Variants in RALGPS2 observed in about 807,000 individuals in gnomAD.
RALGPS2 encodes Ral GEF with PH domain and SH3 binding motif 2.
RALGPS2 carries 43 observed loss-of-function variants against 86.8 expected under a neutral mutation model. The observed-to-expected ratio is 0.50, with a 90% CI of 0.39 to 0.64. RALGPS2 has a LOEUF of 0.64. Ranked by LOEUF, RALGPS2 falls within the 30% of genes least tolerant of loss-of-function variation. The pLI is 0.00. For missense variants in RALGPS2, 536 were observed against 694.6 expected (o/e 0.77, Z 2.57); for synonymous variants, 243 against 231.3 (o/e 1.05, Z -0.46).
intron 1 of RALGPS2, among the ~76,000 whole-genome samples, chr1:178,750,074 G>C (rs1006431766): frequency 1.3e-5 from 2 of 152,152 alleles, no homozygotes; most frequent in Non-Finnish European, 2.9e-5. Flanking sequence ...TCACGCCACT[G>C]TTCGCCAGCC....
chr1:178,739,466 G>A (rs932322501), intron 1 of RALGPS2, among the ~76,000 whole-genome samples: 3 of 152,216 alleles, frequency 2.0e-5, no homozygotes, highest in African/African-American at 7.2e-5. Context: ...CTTAAGGAAT[G>A]TGTTTCATTT....
chr1:178,859,466 C>T (rs1196293347), intron 8 of RALGPS2, among the ~76,000 whole-genome samples: 3 of 142,816 alleles, frequency 2.1e-5, no homozygotes, highest in Admixed American at 7.1e-5. Context: ...TGCAGTGTCA[C>T]GATCTCGGCT....
intron 4 of RALGPS2, among the ~76,000 whole-genome samples, chr1:178,792,086 C>T (rs1030294617): frequency 6.6e-6 from 1 of 152,250 alleles, no homozygotes; most frequent in South Asian, 2.1e-4. Flanking sequence ...CTGTAACACA[C>T]TTGAAATTAC....
At chr1:178,762,454 G>A (rs1213702557) in intron 1 of RALGPS2, among the ~76,000 whole-genome samples, 6 of 152,268 alleles carry the variant, frequency 3.9e-5, no homozygotes, top group East Asian at 1.9e-4. Flanking sequence ...GTGGCTGAAC[G>A]AATTTACATT....
At chr1:178,758,734 G>A (rs12141875) in intron 1 of RALGPS2, among the ~76,000 whole-genome samples, 70,747 of 151,948 alleles carry the variant, frequency 0.47, 17,735 homozygotes, top group African/African-American at 0.65. Context: ...CAGGATCTCA[G>A]TCTTTTTATG....
intron 8 of RALGPS2, among the ~76,000 whole-genome samples, chr1:178,876,313 A>AT (rs898907993): frequency 2.6e-5 from 4 of 151,748 alleles, no homozygotes; most frequent in South Asian, 2.1e-4. Flanking sequence ...AATATAAGTA[A>AT]TTTTTTTTTA....
intron 1 of RALGPS2, among the ~76,000 whole-genome samples, chr1:178,758,598 C>T (rs754212265): frequency 6.6e-6 from 1 of 152,092 alleles, no homozygotes; most frequent in Non-Finnish European, 1.5e-5. Context: ...CTCTCTGTCT[C>T]CATGAGTTCA....
intron 1 of RALGPS2, among the ~76,000 whole-genome samples, chr1:178,738,623 T>C (rs1332157068): frequency 6.6e-6 from 1 of 152,262 alleles, no homozygotes; most frequent in Non-Finnish European, 1.5e-5. Context: ...GGATCAGCCA[T>C]ATAATTTACT....
chr1:178,746,045 C>T lies in RALGPS2; in HGVS notation c.-84+20626C>T, dbSNP rs59212999. Among the ~76,000 whole-genome samples the T allele has an allele frequency of 2.4e-3, 368 of 152,056 alleles. 1 individual carries two copies. The highest frequency in any genetic ancestry group is 8.7e-3 in the African/African-American group (362 of 41,490). Reference sequence around the variant, plus strand: ...CTATGTTGGCCAGGCTGGTCTCGACCTCCTGACCTCAGGTGATCCACCCAC... The same window carrying T: ...CTATGTTGGCCAGGCTGGTCTCGACTTCCTGACCTCAGGTGATCCACCCAC... On this transcript the variant is annotated intron_variant, in intron 1 of 19. Transcript: ENST00000367635.
chr1:178,828,472 C>T (rs546210783), intron 7 of RALGPS2, among the ~76,000 whole-genome samples: 2 of 152,126 alleles, frequency 1.3e-5, no homozygotes, highest in Admixed American at 6.5e-5. Flanking sequence ...GTAAAAAATA[C>T]AGTATTATAA....
At chr1:178,737,367 T>C (rs1467495407) in intron 1 of RALGPS2, among the ~76,000 whole-genome samples, 1 of 152,212 alleles carries the variant, frequency 6.6e-6, no homozygotes, top group Non-Finnish European at 1.5e-5. Context: ...TGCCTCAGCC[T>C]CGCGAGTAGC....
In RALGPS2 at chr1:178,799,232, G is replaced by A. The variant is rs188076577; in HGVS notation, c.214-8813G>A. On this transcript the variant is annotated intron_variant, in intron 4 of 19. Transcript: ENST00000367635. ...TTTTTTGTATTTTTAGTAGAGATGG[G>A]GTTTCACCGTGTTGGCCAGGCTGGT... Among the ~76,000 whole-genome samples, 1,023 of 152,132 alleles carry A rather than the reference G, an allele frequency of 6.7e-3. 4 individuals carry two copies. Among genetic ancestry groups the A allele is most frequent in the Middle Eastern group, 0.017 (5 of 294 alleles).
intron 1 of RALGPS2, among the ~76,000 whole-genome samples, chr1:178,769,231 T>A (rs1652662776): frequency 6.6e-6 from 1 of 150,478 alleles, no homozygotes; most frequent in Middle Eastern, 3.3e-3. Context: ...AGCAGGCAAG[T>A]GAGTGCTTTG....
At chr1:178,851,248 C>G (rs899444504) in intron 8 of RALGPS2, 3 of 1,613,976 alleles carry the variant, frequency 1.9e-6, no homozygotes, top group Non-Finnish European at 2.5e-6. Context: ...CTGTACCATA[C>G]TCCATTTAGG....
chr1:178,840,539 A>T (rs1013488254), intron 8 of RALGPS2, among the ~76,000 whole-genome samples: 1 of 152,214 alleles, frequency 6.6e-6, no homozygotes, highest in Non-Finnish European at 1.5e-5. Context: ...AATGCCCACA[A>T]GAGAAAGCAG....
At chr1:178,773,727 T>G (rs1282783731) in intron 1 of RALGPS2, among the ~76,000 whole-genome samples, 1 of 150,142 alleles carries the variant, frequency 6.7e-6, no homozygotes, top group Non-Finnish European at 1.5e-5. Context: ...ACCCGGGAGA[T>G]GGAGCTTGCA....
chr1:178,725,797 C>T (rs1649951826), intron 1 of RALGPS2: 2 of 152,318 alleles, frequency 1.3e-5, no homozygotes, highest in Admixed American at 1.3e-4. Flanking sequence ...CCAGCGGCGC[C>T]TCAGTCTTCC....
chr1:178,891,637 G>C (rs1659713543), intron 14 of RALGPS2, among the ~76,000 whole-genome samples: 1 of 151,588 alleles, frequency 6.6e-6, no homozygotes, highest in African/African-American at 2.4e-5. Context: ...GTGCCATTTT[G>C]GATAAGTATT....
chr1:178,826,744 A>G (rs1004871426), intron 7 of RALGPS2, among the ~76,000 whole-genome samples: 1 of 152,238 alleles, frequency 6.6e-6, no homozygotes, highest in African/African-American at 2.4e-5. Flanking sequence ...ATATATGAGC[A>G]ATACAAAATT....
Sources: gnomAD v4.1 joint callset for allele counts (sites outside exome capture counted in the v4.1 genomes callset) on GRCh38, gnomAD v4.1.1 for gene constraint, MANE v1.5 for transcripts, NCBI Gene and HGNC (gene_info 2026-07-23, HGNC 2026-07-21) for gene names.